Variants in COG5 observed in about 807,000 individuals in gnomAD.
COG5 encodes the protein conserved oligomeric Golgi complex subunit 5.
COG5 carries 86 observed loss-of-function variants against 110.4 expected under a neutral mutation model. The observed-to-expected ratio is 0.78, with a 90% confidence interval of 0.65 to 0.93. The LOEUF is 0.93. Ranked by LOEUF, COG5 falls within the 40% of genes least tolerant of loss-of-function variation. COG5 has a pLI of 0.00. For synonymous variants in COG5, 360 were observed against 334.6 expected (o/e 1.08, Z -0.83); for missense variants, 1,077 against 987.0 (o/e 1.09, Z -1.22).
intron 6 of COG5, among the ~76,000 whole-genome samples, chr7:107,425,989 G>A (rs955963510): frequency 6.6e-6 from 1 of 152,090 alleles, no homozygotes; most frequent in East Asian, 1.9e-4. Context: ...CAGAGACGGG[G>A]GTAAAGTTTC....
chr7:107,519,400 C>T (rs1800168095), intron 6 of COG5, among the ~76,000 whole-genome samples: 1 of 151,272 alleles, frequency 6.6e-6, no homozygotes, highest in African/African-American at 2.4e-5. Flanking sequence ...AGAGCATTAG[C>T]TAGACTAATA....
chr7:107,376,136 T>C (rs1473888865), intron 7 of COG5, among the ~76,000 whole-genome samples: 7 of 152,086 alleles, frequency 4.6e-5, no homozygotes, highest in Non-Finnish European at 1.0e-4. Flanking sequence ...TGTGAGTTTC[T>C]GGACTTTCAA....
chr7:107,439,872 GT>G (rs2129085452), intron 6 of COG5, among the ~76,000 whole-genome samples: 1 of 152,286 alleles, frequency 6.6e-6, no homozygotes, highest in Admixed American at 6.5e-5. Context: ...AGGACTCTAA[GT>G]TTGGTAAGGT....
intron 6 of COG5, among the ~76,000 whole-genome samples, chr7:107,493,072 T>C (rs188265327): frequency 2.1e-4 from 32 of 152,272 alleles, no homozygotes; most frequent in Non-Finnish European, 1.9e-4. Context: ...TATGTACACA[T>C]ACAGCAATGC....
chr7:107,301,537 TACA>T (rs1562958944), intron 11 of COG5, among the ~76,000 whole-genome samples: 1 of 152,150 alleles, frequency 6.6e-6, no homozygotes, highest in Non-Finnish European at 1.5e-5. Flanking sequence ...CACAATGAGA[TACA>T]ACTACATAAC....
chr7:107,433,219 G>C (rs1794144539), intron 6 of COG5, among the ~76,000 whole-genome samples: 1 of 152,182 alleles, frequency 6.6e-6, no homozygotes, highest in Non-Finnish European at 1.5e-5. Flanking sequence ...GATATCCCAT[G>C]ATTTTGAATT....
At chr7:107,452,965 T>C (rs952956566) in intron 6 of COG5, among the ~76,000 whole-genome samples, 4 of 152,238 alleles carry the variant, frequency 2.6e-5, no homozygotes, top group African/African-American at 9.6e-5. Context: ...GTCTGTCTTA[T>C]GTAATTGCAT....
intron 6 of COG5, among the ~76,000 whole-genome samples, chr7:107,481,193 AT>A (rs1563059071): frequency 6.6e-6 from 1 of 152,118 alleles, no homozygotes; most frequent in African/African-American, 2.4e-5. Flanking sequence ...CATGAGAGCA[AT>A]ATGTCATATT....
Position 107,203,530 on chromosome 7 carries a change from A to C in COG5, c.2476T>G (p.Ser826Ala), listed in dbSNP as rs1798513394. 1 of 1,611,832 alleles carries C rather than the reference A, an allele frequency of 6.2e-7. No homozygotes were observed. The highest frequency in any genetic ancestry group is 1.7e-5 in the Admixed American group (1 of 60,006). Residue 826 changes from serine to alanine, a missense_variant, in exon 22 of 22, where the codon TCT becomes GCT. Coordinates refer to ENST00000297135, the MANE Select transcript of COG5 (RefSeq NM_006348.5). ...IMVQLLQKAM[S>A]ALQ ...ATTTCATGTCATTACTGAAGAGCAG[A>C]CATAGCCTTTTGAAGCAGCTGAACC...
chr7:107,298,199 A>T lies in COG5; in HGVS notation c.1256T>A (p.Leu419Gln), dbSNP rs1806930866. Residue 419 changes from leucine (L) to glutamine (Q), a missense_variant, in exon 12 of 22, where the codon CTA becomes CAA. Leu to Gln is a moderately radical substitution (Grantham distance 113). Transcript: ENST00000297135. ...ASGTTDLYVD[L>Q]QHMEDDAQDI... ...TTGTGCATCATCTTCCATGTGTTGT[A>T]GGTCAACATAGAGGTCTGTAGTTCC... 6.2e-7 allele frequency: 1 copy of T among 1,613,338 alleles called. No individual in the cohort carries two copies. Among genetic ancestry groups the T allele is most frequent in the Admixed American group, 1.7e-5 (1 of 59,996 alleles).
At chr7:107,450,012 GT>G (rs972743256) in intron 6 of COG5, 2 of 152,212 alleles carry the variant, frequency 1.3e-5, no homozygotes, top group African/African-American at 4.8e-5. Flanking sequence ...GGTTTAATAA[GT>G]TTAGAAAGGG....
At chr7:107,548,923 T>C (rs969314206) in intron 3 of COG5, among the ~76,000 whole-genome samples, 1 of 152,220 alleles carries the variant, frequency 6.6e-6, no homozygotes, top group Non-Finnish European at 1.5e-5. Flanking sequence ...TTAATTATTT[T>C]GAATGCCATT....
At chr7:107,262,634 T>C (rs1462231500) in intron 14 of COG5, among the ~76,000 whole-genome samples, 1 of 152,206 alleles carries the variant, frequency 6.6e-6, no homozygotes, top group Non-Finnish European at 1.5e-5. Context: ...CTGTCAATAC[T>C]GTTAAATATC....
chr7:107,233,771 C>T (rs1048694562), intron 18 of COG5, among the ~76,000 whole-genome samples: 1 of 151,968 alleles, frequency 6.6e-6, no homozygotes. Context: ...TTGAAAAGCC[C>T]TCTAGTCCCC....
chr7:107,562,058 A>G (rs967355661), intron 1 of COG5, among the ~76,000 whole-genome samples: 14 of 152,240 alleles, frequency 9.2e-5, no homozygotes, highest in Admixed American at 9.2e-4. Context: ...AAAAGGTGCA[A>G]CAGATGGTTA....
chr7:107,249,796 C>T (rs557483153), intron 16 of COG5, among the ~76,000 whole-genome samples: 2 of 149,958 alleles, frequency 1.3e-5, no homozygotes, highest in African/African-American at 4.9e-5. Flanking sequence ...ATAGTTAAAA[C>T]GTTATGCATG....
At chr7:107,267,399 T>C (rs1049791671) in intron 14 of COG5, among the ~76,000 whole-genome samples, 1 of 152,214 alleles carries the variant, frequency 6.6e-6, no homozygotes, top group Non-Finnish European at 1.5e-5. Context: ...AGATAGAATT[T>C]CTATCTACCC....
intron 6 of COG5, among the ~76,000 whole-genome samples, chr7:107,422,718 CTG>C (rs1390074489): frequency 2.0e-5 from 3 of 148,682 alleles, no homozygotes; most frequent in Non-Finnish European, 3.0e-5. Context: ...AGCCATGACT[CTG>C]TGTGTGTTTA....
At chr7:107,508,063 G>T (rs1044436080) in intron 6 of COG5, among the ~76,000 whole-genome samples, 3 of 152,270 alleles carry the variant, frequency 2.0e-5, no homozygotes. Context: ...CCATGCACGA[G>T]CCGAAGCAGG....
Sources: gnomAD v4.1 joint callset for allele counts (sites outside exome capture counted in the v4.1 genomes callset) on GRCh38, gnomAD v4.1.1 for gene constraint, MANE v1.5 for transcripts, NCBI Gene and HGNC (gene_info 2026-07-23, HGNC 2026-07-21) for gene names.